Variants in MARCHF5 observed in about 807,000 individuals in gnomAD.
MARCHF5 encodes membrane associated ring-CH-type finger 5, also known as E3 ubiquitin-protein ligase MARCHF5.
MARCHF5 carries 5 observed loss-of-function variants against 36.5 expected under a neutral mutation model. That is an observed-to-expected ratio of 0.14 (90% CI 0.07 to 0.29). The LOEUF (loss-of-function observed/expected upper bound fraction) is 0.29, where lower values mean the gene tolerates loss of function less well. MARCHF5 is among the 10% of genes least tolerant of loss of function. The pLI, the probability that MARCHF5 is intolerant of heterozygous loss-of-function variation, is 1.00. For synonymous variants in MARCHF5, 103 were observed against 109.9 expected, an observed-to-expected ratio of 0.94 and a Z score of 0.39; for missense variants, 179 against 336.3, an observed-to-expected ratio of 0.53 and a Z score of 3.66.
rs1205246251 is a variant in MARCHF5, at chr10:92,353,682, T to C, written c.*2475T>C. 5 of 152,664 alleles carry C rather than the reference T, an allele frequency of 3.3e-5. No individual in the cohort carries two copies. The allele number at this position is 152,664 out of a possible 1,614,324, so 9.5% of individuals were successfully genotyped here. On this transcript the variant is annotated 3_prime_UTR_variant, in exon 6 of 6. Coordinates refer to ENST00000358935, the MANE Select transcript of MARCHF5 (RefSeq NM_017824.5). ...CCAGTTTATTTTCATATTTCTTTAC[T>C]GTGTTATTTCTGGAAACTTTAATGT...
intron 2 of MARCHF5, among the ~76,000 whole-genome samples, chr10:92,334,850 C>T (rs1843484446): frequency 1.3e-5 from 2 of 152,070 alleles, no homozygotes; most frequent in African/African-American, 4.8e-5. Flanking sequence ...CTTGAATTTA[C>T]CCAGAATATT....
intron 2 of MARCHF5, among the ~76,000 whole-genome samples, 161 bp from the exon 3 acceptor site, chr10:92,340,512 T>C (rs1843566198): frequency 6.6e-6 from 1 of 152,220 alleles, no homozygotes; most frequent in Non-Finnish European, 1.5e-5. Context: ...TTTGAGGCTG[T>C]AGTGAGCTAT....
chr10:92,319,485 G>A (rs1311499871), intron 2 of MARCHF5, among the ~76,000 whole-genome samples: 14 of 151,252 alleles, frequency 9.3e-5, no homozygotes, highest in South Asian at 2.1e-4. Flanking sequence ...TAGTAGAGAC[G>A]GGGTTTCACC....
chr10:92,326,632 G>T (rs932114433), intron 2 of MARCHF5, among the ~76,000 whole-genome samples: 2 of 152,120 alleles, frequency 1.3e-5, no homozygotes, highest in African/African-American at 4.8e-5. Context: ...TGAAAGACAA[G>T]TGTATTGCCA....
intron 2 of MARCHF5, among the ~76,000 whole-genome samples, chr10:92,313,330 C>T (rs936699466): frequency 4.0e-5 from 6 of 151,852 alleles, no homozygotes; most frequent in East Asian, 1.9e-4. Context: ...CCGGGCCGGG[C>T]GCGGTGGCTC....
At chr10:92,329,636 T>C (rs1843414111) in intron 2 of MARCHF5, among the ~76,000 whole-genome samples, 1 of 152,206 alleles carries the variant, frequency 6.6e-6, no homozygotes, top group South Asian at 2.1e-4. Flanking sequence ...AAAACAAATA[T>C]GGACTTAAGA....
chr10:92,346,306 A>G (rs932509667), intron 3 of MARCHF5, among the ~76,000 whole-genome samples: 1 of 152,070 alleles, frequency 6.6e-6, no homozygotes, highest in South Asian at 2.1e-4. Context: ...TCACTTTCAA[A>G]AGACATCTGT....
intron 3 of MARCHF5, among the ~76,000 whole-genome samples, chr10:92,347,515 TA>T (rs60407883): frequency 0.38 from 28,145 of 73,664 alleles, 3,506 homozygotes; most frequent in Non-Finnish European, 0.43. Flanking sequence ...GATAGATAGA[TA>T]GATAGATGAT....
intron 3 of MARCHF5, among the ~76,000 whole-genome samples, chr10:92,348,810 G>A (rs1843685769): frequency 6.6e-6 from 1 of 152,138 alleles, no homozygotes; most frequent in South Asian, 2.1e-4. Flanking sequence ...GGTTAGGTCT[G>A]TAGGGTAGAC....
chr10:92,314,748 GCCCCCCCCC>G lies in MARCHF5; in HGVS notation c.238+3412_238+3420del. Among the ~76,000 whole-genome samples, 2 of 10,680 alleles carry G rather than the reference GCCCCCCCCC, an allele frequency of 1.9e-4. 1 individual carries two copies. The highest frequency in any genetic ancestry group is 5.8e-4 in the Non-Finnish European group (2 of 3,456). The allele number at this position is 10,680 out of a possible 152,430, so 7.0% of individuals were successfully genotyped here. A position where few individuals can be genotyped will look rare whatever the true frequency, so the allele number is the denominator to read the frequency against. ...GTATTTGCTGCTGCTGCTTCCCCCC[GCCCCCCCCC>G]GCCAATAGAGGTTGGGTCTTGCTAT... On this transcript the variant is annotated intron_variant, in intron 2 of 5. Transcript: ENST00000358935.
At chr10:92,307,029 A>AG (rs1843081705) in intron 1 of MARCHF5, among the ~76,000 whole-genome samples, 1 of 152,014 alleles carries the variant, frequency 6.6e-6, no homozygotes, top group Non-Finnish European at 1.5e-5. Flanking sequence ...AGGGCAGGGG[A>AG]GGGGGCAGGA....
intron 2 of MARCHF5, among the ~76,000 whole-genome samples, chr10:92,319,634 T>C (rs1207310375): frequency 7.2e-6 from 1 of 139,756 alleles, no homozygotes; most frequent in African/African-American, 2.8e-5. Flanking sequence ...AAATTTTGTG[T>C]GTTTGTTTTT....
At chr10:92,322,438 C>G (rs1341922186) in intron 2 of MARCHF5, among the ~76,000 whole-genome samples, 1 of 141,268 alleles carries the variant, frequency 7.1e-6, no homozygotes, top group Admixed American at 7.1e-5. Context: ...TTCTTTTTGT[C>G]CTTTTTTTTT....
At chr10:92,308,302 C>G (rs914369686) in intron 1 of MARCHF5, among the ~76,000 whole-genome samples, 3 of 152,130 alleles carry the variant, frequency 2.0e-5, no homozygotes, top group Non-Finnish European at 4.4e-5. Flanking sequence ...CATTTGTAAA[C>G]TGTCATGGTG....
chr10:92,339,625 G>A (rs1309698126), intron 2 of MARCHF5, among the ~76,000 whole-genome samples: 3 of 151,830 alleles, frequency 2.0e-5, no homozygotes, highest in South Asian at 2.1e-4. Context: ...AGCCATGATC[G>A]CACCATTGCA....
chr10:92,325,004 G>T (rs552497360), intron 2 of MARCHF5, among the ~76,000 whole-genome samples: 4 of 152,132 alleles, frequency 2.6e-5, no homozygotes, highest in African/African-American at 9.6e-5. Context: ...GTATTTTCAA[G>T]TTTTCCATTT....
At chr10:92,342,799 T>G (rs1196889271) in intron 3 of MARCHF5, among the ~76,000 whole-genome samples, 1 of 152,224 alleles carries the variant, frequency 6.6e-6, no homozygotes, top group East Asian at 1.9e-4. Flanking sequence ...TTGTAGATGA[T>G]ATAATTTGCT....
At chr10:92,316,358 T>C (rs1843209479) in intron 2 of MARCHF5, among the ~76,000 whole-genome samples, 2 of 152,218 alleles carry the variant, frequency 1.3e-5, no homozygotes, top group Admixed American at 6.5e-5. Flanking sequence ...TTTATCCTTC[T>C]CACTGTTTGC....
chr10:92,347,259 G>A (rs1336305956), intron 3 of MARCHF5, among the ~76,000 whole-genome samples: 2 of 152,076 alleles, frequency 1.3e-5, no homozygotes, highest in East Asian at 1.9e-4. Context: ...CAAGGCAGGC[G>A]GATCACCTGA....
Sources: allele counts gnomAD v4.1 joint callset (sites outside exome capture counted in the v4.1 genomes callset), GRCh38; gene constraint gnomAD v4.1.1; transcripts MANE v1.5; gene names NCBI Gene and HGNC (gene_info 2026-07-23, HGNC 2026-07-21).